Variants in SGCD observed in about 807,000 individuals in gnomAD.
SGCD encodes delta-sarcoglycan.
SGCD carries 18 observed loss-of-function variants against 36.6 expected under a neutral mutation model. The ratio of observed to expected loss-of-function variants is 0.49; its 90% CI spans 0.34 to 0.73. The LOEUF is 0.73. Among genes scored for constraint, SGCD ranks in the 30% least tolerant of loss-of-function variants. SGCD has a pLI of 0.01. For missense variants in SGCD, 387 were observed against 346.7 expected (o/e 1.12, Z -0.92); for synonymous variants, 133 against 130.6 (o/e 1.02, Z -0.12).
intron 3 of SGCD, among the ~76,000 whole-genome samples, chr5:156,219,342 A>G (rs1229019742): frequency 6.6e-6 from 1 of 152,244 alleles, no homozygotes; most frequent in Non-Finnish European, 1.5e-5. Flanking sequence ...TTAAAAATAA[A>G]CACATCGATC....
chr5:155,937,221 T>A (rs918826390), intron 1 of SGCD, among the ~76,000 whole-genome samples: 1 of 152,094 alleles, frequency 6.6e-6, no homozygotes, highest in African/African-American at 2.4e-5. Flanking sequence ...ACCTGCCTGT[T>A]CCCGGCTCCC....
At chr5:155,759,034 A>G in the SGCD span, among the ~76,000 whole-genome samples, 1 of 150,932 alleles carries the variant, frequency 6.6e-6, no homozygotes, top group Non-Finnish European at 1.5e-5. Context: ...TAGAGTCAAG[A>G]TTGTGCTATA....
At chr5:156,487,960 TTA>T (rs55795142) in intron 3 of SGCD, among the ~76,000 whole-genome samples, 98,834 of 136,490 alleles carry the variant, frequency 0.72, 35,448 homozygotes, top group South Asian at 0.82. Context: ...GTAACATATA[TTA>T]TATATATATA....
intron 3 of SGCD, among the ~76,000 whole-genome samples, chr5:156,440,026 A>C (rs1168035500): frequency 6.6e-6 from 1 of 152,148 alleles, no homozygotes; most frequent in Non-Finnish European, 1.5e-5. Context: ...TGAACGATTC[A>C]GTGGCATTTG....
chr5:156,054,019 A>T (rs1759991336), intron 1 of SGCD, among the ~76,000 whole-genome samples: 1 of 145,772 alleles, frequency 6.9e-6, no homozygotes, highest in East Asian at 1.9e-4. Flanking sequence ...ATACTATCAT[A>T]GTGTGAACCA....
At chr5:156,284,408 A>T (rs1044254448) in intron 3 of SGCD, among the ~76,000 whole-genome samples, 18 of 152,206 alleles carry the variant, frequency 1.2e-4, no homozygotes, top group African/African-American at 4.1e-4. Flanking sequence ...ATGAACATCG[A>T]TGCAAAAATC....
At chr5:156,387,131 A>G (rs1345956752) in intron 3 of SGCD, among the ~76,000 whole-genome samples, 1 of 152,200 alleles carries the variant, frequency 6.6e-6, no homozygotes, top group East Asian at 1.9e-4. Flanking sequence ...ATTCATGCTT[A>G]GTAATAAATG....
chr5:155,823,062 A>ATATCTATCTATCTATCTATCTATC, the SGCD span, among the ~76,000 whole-genome samples: 8 of 145,172 alleles, frequency 5.5e-5, no homozygotes, highest in African/African-American at 1.0e-4. Context: ...CTATATCTCT[A>ATATCTATCTATCTATCTATCTATC]TATCTATCTA....
intron 5 of SGCD, among the ~76,000 whole-genome samples, chr5:156,592,715 CT>C (rs1277636482): frequency 6.6e-6 from 1 of 152,146 alleles, no homozygotes; most frequent in Admixed American, 6.6e-5. Context: ...TTCTCCTCAT[CT>C]GCAGCATCAA....
intron 3 of SGCD, among the ~76,000 whole-genome samples, chr5:156,252,488 TA>T (rs1304812613): frequency 1.3e-5 from 2 of 152,266 alleles, no homozygotes; most frequent in Non-Finnish European, 2.9e-5. Flanking sequence ...CGTCCTTTTT[TA>T]AAGGAAATAT....
intron 3 of SGCD, among the ~76,000 whole-genome samples, chr5:156,196,542 A>G (rs1468673920): frequency 6.6e-6 from 1 of 152,208 alleles, no homozygotes; most frequent in Non-Finnish European, 1.5e-5. Flanking sequence ...GAAAAAAAAG[A>G]CAAAAGTTTT....
At chr5:156,578,288 T>C (rs1456907771) in intron 4 of SGCD, among the ~76,000 whole-genome samples, 1 of 152,226 alleles carries the variant, frequency 6.6e-6, no homozygotes, top group East Asian at 1.9e-4. Context: ...GGATAAGCTT[T>C]TCGATGTGCT....
At chr5:156,273,999 G>A (rs1247807938) in intron 3 of SGCD, among the ~76,000 whole-genome samples, 1 of 152,026 alleles carries the variant, frequency 6.6e-6, no homozygotes, top group African/African-American at 2.4e-5. Flanking sequence ...TGGACCTAAG[G>A]CTCTGAGAGG....
chr5:155,875,298 CCTT>C (rs1167189445), intron 1 of SGCD, among the ~76,000 whole-genome samples: 2 of 152,006 alleles, frequency 1.3e-5, no homozygotes, highest in East Asian at 3.9e-4. Flanking sequence ...TCATCATCCT[CCTT>C]GTAGAATTAA....
intron 3 of SGCD, among the ~76,000 whole-genome samples, chr5:156,129,834 G>A (rs1436414009): frequency 6.6e-6 from 1 of 152,078 alleles, no homozygotes; most frequent in Admixed American, 6.5e-5. Context: ...TCTTTTTTAT[G>A]GCTGCATAGG....
intron 3 of SGCD, among the ~76,000 whole-genome samples, chr5:156,429,019 A>C (rs1041349785): frequency 6.6e-6 from 1 of 151,766 alleles, no homozygotes; most frequent in Non-Finnish European, 1.5e-5. Flanking sequence ...GCATCTGCTC[A>C]ATCCATTTCT....
rs141483531 is a variant in SGCD, at chr5:155,995,873, G to A, written c.-281-122005G>A. 1.5e-3 allele frequency among the ~76,000 whole-genome samples: 226 copies of A among 151,932 alleles called. 5 individuals carry two copies. In the East Asian group the frequency reaches 0.041, roughly 27 times the overall value. On this transcript the variant is annotated intron_variant, in intron 1 of 9. Coordinates refer to the SGCD transcript ENST00000517913. ...GGAAAATAACCTGAGGAAATTTTCT[G>A]GGGATAATGGGAAACTTCTGTTCTT... is the stretch of plus-strand genomic sequence containing the variant.
chr5:155,736,954 G>A, the SGCD span, among the ~76,000 whole-genome samples: 8 of 152,284 alleles, frequency 5.3e-5, no homozygotes, highest in African/African-American at 1.7e-4. Flanking sequence ...AGGGCAGGAG[G>A]AAAAGTGAGT....
intron 3 of SGCD, among the ~76,000 whole-genome samples, chr5:156,505,373 G>T (rs1030585485): frequency 6.6e-6 from 1 of 152,210 alleles, no homozygotes; most frequent in African/African-American, 2.4e-5. Context: ...ACAGGCTGAA[G>T]TGCATTTATG....
Sources: gnomAD v4.1 joint callset for allele counts (sites outside exome capture counted in the v4.1 genomes callset) on GRCh38, gnomAD v4.1.1 for gene constraint, MANE v1.5 for transcripts, NCBI Gene and HGNC (gene_info 2026-07-23, HGNC 2026-07-21) for gene names.